Variants in TP53BP1 observed in about 807,000 individuals in gnomAD.
The protein encoded by TP53BP1 is tumor protein p53 binding protein 1.
TP53BP1 carries 61 observed loss-of-function variants against 200.8 expected under a neutral mutation model. The observed-to-expected ratio is 0.30, with a 90% CI of 0.25 to 0.38. The LOEUF is 0.38. Among genes scored for constraint, TP53BP1 ranks in the 10% least tolerant of loss-of-function variants. The probability of loss-of-function intolerance (pLI) is 1.00; values close to 1 mark genes in which losing one functional copy is unlikely to be tolerated. For missense variants in TP53BP1, 2,144 were observed against 2,371.9 expected, an observed-to-expected ratio of 0.90 and a Z score of 2.00; for synonymous variants, 822 against 844.3, an observed-to-expected ratio of 0.97 and a Z score of 0.46.
chr15:43,411,370 C>G (rs1463886166), intron 24 of TP53BP1, among the ~76,000 whole-genome samples: 2 of 152,180 alleles, frequency 1.3e-5, no homozygotes, highest in African/African-American at 4.8e-5. Flanking sequence ...TCTGAAGGAT[C>G]TCTGATGGTG....
chr15:43,483,518 T>C (rs1487531936), intron 4 of TP53BP1, among the ~76,000 whole-genome samples: 1 of 152,158 alleles, frequency 6.6e-6, no homozygotes, highest in Non-Finnish European at 1.5e-5. Context: ...ACAGATGACA[T>C]CTTTGCTTCC....
chr15:43,453,142 C>A (rs2046211044), intron 12 of TP53BP1, among the ~76,000 whole-genome samples: 1 of 122,774 alleles, frequency 8.1e-6, no homozygotes, highest in African/African-American at 3.3e-5. Context: ...TGCAGTGAGC[C>A]GGGATAGCGC....
intron 4 of TP53BP1, among the ~76,000 whole-genome samples, chr15:43,482,172 T>C (rs953211085): frequency 1.4e-4 from 21 of 151,744 alleles, no homozygotes; most frequent in African/African-American, 5.1e-4. Context: ...GAGCTTGCAG[T>C]GAGCCGAGAT....
intron 24 of TP53BP1, chr15:43,412,671 C>T (rs1360864787): frequency 2.1e-6 from 1 of 471,376 alleles, no homozygotes; most frequent in Admixed American, 2.3e-5. Context: ...ATGAACCTTA[C>T]CCTCCACATG....
Position 43,404,600 on chromosome 15 carries a change from T to A in TP53BP1, c.*2783A>T. 1 of 1,599,640 alleles carries A rather than the reference T, an allele frequency of 6.3e-7. No individual in the cohort carries two copies. The highest frequency in any genetic ancestry group is 8.5e-7 in the Non-Finnish European group (1 of 1,171,804). The stretch of plus-strand genomic sequence containing the variant: ...TCAGTAGACTTTTTAAGGTGGCTTT[T>A]TAATGAGTTGTAGAATTCTAGAACT... On this transcript the variant is annotated 3_prime_UTR_variant, in exon 28 of 28. Transcript: ENST00000382044.
intron 14 of TP53BP1, among the ~76,000 whole-genome samples, chr15:43,442,559 G>A (rs1022571107): frequency 2.6e-5 from 4 of 151,510 alleles, no homozygotes; most frequent in Admixed American, 6.6e-5. Context: ...GTGCAGCGGC[G>A]TAATCTCGAC....
chr15:43,474,678 C>T lies in TP53BP1; in HGVS notation c.1175G>A (p.Arg392Lys). The T allele has an allele frequency of 1.2e-6, 2 of 1,607,498 alleles. No individual in the cohort carries two copies. Among genetic ancestry groups the T allele is most frequent in the African/African-American group, 1.3e-5 (1 of 74,872 alleles). Reference sequence around the variant, plus strand: ...GACAGATCAAGAGAGCTCACCTTGTCTCCCTTCTTGCTCTGTGGGACTGCT... The same window carrying T: ...GACAGATCAAGAGAGCTCACCTTGTTTCCCTTCTTGCTCTGTGGGACTGCT... ...VPSSPTEQEG[R>K]QDKPMDTSVL... Residue 392 changes from arginine (R) to lysine (K), a missense_variant, in exon 10 of 28, where the codon AGA becomes AAA. This residue lies in a region of TP53BP1 where 1,700 missense variants were observed against 1,710.3 expected (regional missense o/e 0.99). Coordinates refer to ENST00000382044, the MANE Select transcript of TP53BP1 (RefSeq NM_001141980.3).
At chr15:43,473,256 G>A (rs2038911082) in intron 10 of TP53BP1, among the ~76,000 whole-genome samples, 1 of 152,154 alleles carries the variant, frequency 6.6e-6, no homozygotes, top group African/African-American at 2.4e-5. Flanking sequence ...GGGGACCCGA[G>A]CGGGTTGCCA....
intron 4 of TP53BP1, among the ~76,000 whole-genome samples, 197 bp downstream of exon 4, chr15:43,491,472 T>C (rs1449772645): frequency 6.6e-6 from 1 of 152,174 alleles, no homozygotes; most frequent in Non-Finnish European, 1.5e-5. Flanking sequence ...ATAATGTAGG[T>C]ATAAAAATTA....
rs568629725 is a variant in TP53BP1, at chr15:43,405,388, A to G, written c.*1995T>C. The G allele has an allele frequency of 4.9e-5, 33 of 673,270 alleles. No individual in the cohort carries two copies. In the African/African-American group the frequency reaches 5.8e-4, roughly 12 times the overall value. 41.7% of individuals were successfully genotyped at this position (673,270 alleles called of 1,614,324 possible). A position where few individuals can be genotyped will look rare whatever the true frequency, so the allele number is the denominator to read the frequency against. The stretch of plus-strand genomic sequence containing the variant: ...TCCAGGAGTACAACTCCTTCCCATC[A>G]TTCCCATGTGGAAGGGTCTCTCCCA... On this transcript the variant is annotated 3_prime_UTR_variant, in exon 28 of 28. Transcript: ENST00000382044.
chr15:43,460,389 T>A (rs958687644), intron 11 of TP53BP1, among the ~76,000 whole-genome samples: 3 of 151,988 alleles, frequency 2.0e-5, no homozygotes, highest in Non-Finnish European at 4.4e-5. Context: ...GTCTCCCGAG[T>A]AGCTGGAACT....
chr15:43,474,552 C>G (rs112437517), intron 10 of TP53BP1, 121 bp downstream of exon 10: 6 of 582,460 alleles, frequency 1.0e-5, no homozygotes, highest in Non-Finnish European at 1.2e-5. Context: ...AAACATGAGT[C>G]CTACCGAATT....
chr15:43,429,565 T>C (rs2045625701), intron 17 of TP53BP1, among the ~76,000 whole-genome samples: 1 of 152,180 alleles, frequency 6.6e-6, no homozygotes, highest in Non-Finnish European at 1.5e-5. Flanking sequence ...TGACATGTGG[T>C]AGTAATTTAC....
chr15:43,409,341 T>C lies in TP53BP1; in HGVS notation c.5401-245A>G, dbSNP rs918278328. 1.2e-5 allele frequency: 7 copies of C among 580,528 alleles called. 1 individual carries two copies. Among genetic ancestry groups the C allele is most frequent in the African/African-American group, 1.1e-4 (6 of 53,674 alleles). The allele number at this position is 580,528 out of a possible 1,614,324, so 36.0% of individuals were successfully genotyped here. A position where few individuals can be genotyped will look rare whatever the true frequency, so the allele number is the denominator to read the frequency against. On this transcript the variant is annotated intron_variant, in intron 25 of 27. Coordinates refer to ENST00000382044, the MANE Select transcript of TP53BP1 (RefSeq NM_001141980.3). ...ATCCTCAACGGACAACCAAAACCTA[T>C]GAACTCAGCCTTTCAGGCTAAAAAT...
At chr15:43,408,333 T>G (rs2044989224) in intron 26 of TP53BP1, 1 of 386,560 alleles carries the variant, frequency 2.6e-6, no homozygotes, top group Non-Finnish European at 4.8e-6. Flanking sequence ...ACAAAAAAAT[T>G]AGCTGGGTGT....
At chr15:43,478,727 A>G (rs1023342845) in intron 7 of TP53BP1, among the ~76,000 whole-genome samples, 4 of 152,170 alleles carry the variant, frequency 2.6e-5, no homozygotes, top group Non-Finnish European at 5.9e-5. Flanking sequence ...TAAGAACCCA[A>G]AGCAATCTGG....
chr15:43,407,298 C>T lies in TP53BP1; in HGVS notation c.*85G>A, dbSNP rs1048489514. 1.0e-5 allele frequency: 12 copies of T among 1,143,690 alleles called. No homozygotes were observed. In the African/African-American group the frequency reaches 1.7e-4, roughly 16 times the overall value. The allele number at this position is 1,143,690 out of a possible 1,614,324, so 70.8% of individuals were successfully genotyped here. Reference sequence around the variant, plus strand: ...ATATACAAGATCCATGCAAGGAATCCAGTTACACACAAGACACATTTAAAA... The same window carrying T: ...ATATACAAGATCCATGCAAGGAATCTAGTTACACACAAGACACATTTAAAA... On this transcript the variant is annotated 3_prime_UTR_variant, in exon 28 of 28. Coordinates refer to ENST00000382044, the MANE Select transcript of TP53BP1 (RefSeq NM_001141980.3).
rs138307890 is a variant in TP53BP1 at position 43,475,621 on chromosome 15, A to G, written c.1029T>C (p.Thr343=). Reference sequence around the variant, plus strand: ...GACCAGAGAGCTGCAGGAGATGCAGAGTGGTGGCAGGAGTGGAAGCCAAAG... The same window carrying G: ...GACCAGAGAGCTGCAGGAGATGCAGGGTGGTGGCAGGAGTGGAAGCCAAAG... ...GCSLASTPAT[T]LHLLQLSGQR... is the part of the protein sequence containing the mutation. The change falls in exon 9 of 28, where the codon ACT becomes ACC. Residue 343 remains threonine, a synonymous_variant. Transcript: ENST00000382044. 1.2e-6 allele frequency: 2 copies of G among 1,614,028 alleles called. No homozygotes were observed. Among genetic ancestry groups the G allele is most frequent in the Admixed American group, 3.3e-5 (2 of 60,004 alleles).
At position 43,407,267 on chromosome 15, in the gene TP53BP1, A is replaced by AAAACT; in HGVS notation, c.*111_*115dup. The AAAACT allele has an allele frequency of 1.2e-6, 1 of 837,020 alleles. No individual in the cohort carries two copies. Among genetic ancestry groups the AAAACT allele is most frequent in the Non-Finnish European group, 1.9e-6 (1 of 533,458 alleles). 51.8% of individuals were successfully genotyped at this position (837,020 alleles called of 1,614,324 possible). ...ATTTTATCATAAAAGTTCAGCAAAT[A>AAAACT]AAACTATATACAAGATCCATGCAAG... On this transcript the variant is annotated 3_prime_UTR_variant, in exon 28 of 28. Transcript: ENST00000382044.
Sources: gnomAD v4.1 joint callset for allele counts (sites outside exome capture counted in the v4.1 genomes callset) on GRCh38, gnomAD v4.1.1 for gene constraint, gnomAD v4.1.1 regional missense constraint, MANE v1.5 for transcripts, NCBI Gene and HGNC (gene_info 2026-07-23, HGNC 2026-07-21) for gene names.